Variants in SLC25A12 observed in about 807,000 individuals in gnomAD.
SLC25A12 encodes electrogenic aspartate/glutamate antiporter SLC25A12, mitochondrial.
Under a neutral mutation model 83.3 loss-of-function variants are expected in SLC25A12, and 32 were observed. That is an observed-to-expected ratio of 0.38 (90% CI 0.29 to 0.52). SLC25A12 has a LOEUF of 0.52. Ranked by LOEUF, SLC25A12 falls within the 20% of genes least tolerant of loss-of-function variation. The pLI is 0.84. For synonymous variants in SLC25A12, 267 were observed against 291.1 expected (o/e 0.92, Z 0.84); for missense variants, 611 against 835.6 (o/e 0.73, Z 3.31).
At chr2:171,851,130 A>T (rs1469327329) in intron 4 of SLC25A12, among the ~76,000 whole-genome samples, 1 of 152,152 alleles carries the variant, frequency 6.6e-6, no homozygotes, top group African/African-American at 2.4e-5. Context: ...AGAACTCAGA[A>T]CATATAACAT....
At position 171,834,852 on chromosome 2, in the gene SLC25A12, C is replaced by G. The variant is rs770751330; in HGVS notation, c.626G>C (p.Ser209Thr). The G allele has an allele frequency of 6.2e-7, 1 of 1,613,816 alleles. No individual in the cohort carries two copies. Residue 209 changes from serine (S) to threonine (T), a missense_variant, in exon 7 of 18, where the codon AGT becomes ACT. This residue lies in a region of SLC25A12 where 540 missense variants were observed against 777.5 expected (regional missense o/e 0.69). Coordinates refer to ENST00000422440, the MANE Select transcript of SLC25A12 (RefSeq NM_003705.5). ...GGAGAAGCTAACCTGGTGTGAGATA[C>G]TTCCTCCAGCTGCCTAGAAAATGAC... ...EENLVSAAGG[S>T]ISHQVSFSYF...
At chr2:171,815,080 ATT>A in intron 10 of SLC25A12, 39 bp downstream of exon 10, 1 of 1,514,062 alleles carries the variant, frequency 6.6e-7, no homozygotes, top group Non-Finnish European at 9.2e-7. Flanking sequence ...ATAATATTAC[ATT>A]AACACAAGCC....
chr2:171,809,466 C>T, intron 13 of SLC25A12, 140 bp downstream of exon 13: 2 of 760,484 alleles, frequency 2.6e-6, no homozygotes, highest in Non-Finnish European at 2.3e-6. Flanking sequence ...AAATTTAAAA[C>T]TTATTCCATA....
Position 171,851,717 on chromosome 2 carries a change from T to C in SLC25A12, c.325+4117A>G, listed in dbSNP as rs1390608833. ...ACCCGGCTAATTTTTGTGTTTTTAGTAGAGATGGGGTTTCACCATGTCACC... is the reference window on the plus strand; with the variant it reads ...ACCCGGCTAATTTTTGTGTTTTTAGCAGAGATGGGGTTTCACCATGTCACC... On this transcript the variant is annotated intron_variant, in intron 4 of 17. Transcript: ENST00000422440. Among the ~76,000 whole-genome samples the C allele has an allele frequency of 2.6e-5, 4 of 152,168 alleles. No homozygotes were observed. In the East Asian group the frequency reaches 7.7e-4, roughly 29 times the overall value.
At chr2:171,880,537 G>A (rs905469525) in intron 2 of SLC25A12, among the ~76,000 whole-genome samples, 2 of 152,032 alleles carry the variant, frequency 1.3e-5, no homozygotes, top group African/African-American at 2.4e-5. Flanking sequence ...CTCAGCCTTC[G>A]AAAGTGCTGG....
chr2:171,816,261 T>G (rs1012475915), intron 9 of SLC25A12, among the ~76,000 whole-genome samples: 2 of 152,060 alleles, frequency 1.3e-5, no homozygotes, highest in African/African-American at 4.8e-5. Context: ...AGATGGGGTC[T>G]GTTTATGTTG....
rs1684025113 is a variant in SLC25A12, at chr2:171,815,143, G to A, written c.990C>T (p.Phe330=). The change falls in exon 10 of 18, where the codon TTC becomes TTT. Residue 330 remains phenylalanine, a synonymous_variant. Transcript: ENST00000422440. The part of the protein sequence containing the change: ...WLQIAESAYR[F]TLGSVAGAVG... ...CACCTCCAGCAACTGAGCCCAGAGTGAATCTGTAAGCAGACTCGGCAATCT... is the reference window on the plus strand; with the variant it reads ...CACCTCCAGCAACTGAGCCCAGAGTAAATCTGTAAGCAGACTCGGCAATCT... 3 of 1,613,658 alleles carry A rather than the reference G, an allele frequency of 1.9e-6. No homozygotes were observed. Among genetic ancestry groups the A allele is most frequent in the African/African-American group, 2.7e-5 (2 of 74,910 alleles).
rs1024085092 is a variant in SLC25A12 at position 171,815,346 on chromosome 2, A to G, written c.931-144T>C. On this transcript the variant is annotated intron_variant, in intron 9 of 17. Transcript: ENST00000422440. ...CAGTAATATCTTTTCTAAAAGAAGA[A>G]AATAGGATATTCATGCAGCCAAAAA... 4.5e-6 allele frequency: 3 copies of G among 661,422 alleles called. No individual in the cohort carries two copies. The African/African-American group carries it at 5.5e-5, about 12-fold the overall frequency. The allele number at this position is 661,422 out of a possible 1,614,324, so 41.0% of individuals were successfully genotyped here.
chr2:171,814,350 T>A lies in SLC25A12; in HGVS notation c.1012+771A>T, dbSNP rs113906557. On this transcript the variant is annotated intron_variant, in intron 10 of 17. Transcript: ENST00000422440. Reference sequence around the variant, plus strand: ...GGGAAGGGAGGTTCATTTTTGCAAATAAACATCAAGTCCAGATATTGTTAA... The same window carrying A: ...GGGAAGGGAGGTTCATTTTTGCAAAAAAACATCAAGTCCAGATATTGTTAA... Among the ~76,000 whole-genome samples the A allele has an allele frequency of 2.9e-3, 442 of 152,046 alleles. 5 individuals are homozygous for A. Among genetic ancestry groups the A allele is most frequent in the African/African-American group, 0.01 (426 of 41,486 alleles).
intron 3 of SLC25A12, among the ~76,000 whole-genome samples, chr2:171,865,026 CT>C (rs1427838691): frequency 1.3e-5 from 2 of 152,140 alleles, no homozygotes; most frequent in African/African-American, 2.4e-5. Context: ...AAACTCTCCC[CT>C]AATTTATTTT....
chr2:171,809,566 A>G (rs1331834645), intron 13 of SLC25A12, 40 bp downstream of exon 13: 1 of 1,454,504 alleles, frequency 6.9e-7, no homozygotes, highest in South Asian at 1.1e-5. Flanking sequence ...AGGTCAACGG[A>G]ATGTATTTGT....
intron 13 of SLC25A12, among the ~76,000 whole-genome samples, chr2:171,794,329 A>G (rs1185818931): frequency 6.6e-6 from 1 of 152,204 alleles, no homozygotes; most frequent in Non-Finnish European, 1.5e-5. Flanking sequence ...TCTAAAATGT[A>G]TTATCCTAAG....
intron 3 of SLC25A12, among the ~76,000 whole-genome samples, chr2:171,861,001 A>G (rs1368796391): frequency 6.6e-6 from 1 of 152,110 alleles, no homozygotes; most frequent in Non-Finnish European, 1.5e-5. Flanking sequence ...TGACGTAGGG[A>G]GGATCATTTG....
Position 171,837,227 on chromosome 2 carries a change from T to C in SLC25A12, c.506A>G (p.Lys169Arg), listed in dbSNP as rs771752502. The change falls in exon 6 of 18, where the codon AAA (lysine) becomes AGA (arginine). Residue 169 changes from lysine (K) to arginine (R), a missense_variant. Lys to Arg is a conservative substitution (Grantham distance 26). Around this residue, in one of 3 missense-constraint regions of SLC25A12, gnomAD observed 540 missense variants for 777.5 expected, o/e 0.69. Coordinates refer to ENST00000422440, the MANE Select transcript of SLC25A12 (RefSeq NM_003705.5). Reference sequence around the variant, plus strand: ...AATCATGCCACTTTTGCTTTTGTCTTTGAGTGCAAAGGCTTGTCTTGCATG... The same window carrying C: ...AATCATGCCACTTTTGCTTTTGTCTCTGAGTGCAAAGGCTTGTCTTGCATG... ...LEHARQAFAL[K>R]DKSKSGMISG... The C allele has an allele frequency of 1.2e-6, 2 of 1,614,146 alleles. No homozygotes were observed. The highest frequency in any genetic ancestry group is 1.1e-5 in the South Asian group (1 of 91,080).
intron 3 of SLC25A12, 150 bp from the exon 4 acceptor site, chr2:171,856,099 G>A: frequency 1.6e-6 from 1 of 641,210 alleles, no homozygotes; most frequent in Non-Finnish European, 2.8e-6. Context: ...AGATAAGGAA[G>A]GAAAGGAGAA....
intron 13 of SLC25A12, among the ~76,000 whole-genome samples, chr2:171,794,602 A>AT (rs1558908361): frequency 6.6e-6 from 1 of 151,646 alleles, no homozygotes; most frequent in Non-Finnish European, 1.5e-5. Context: ...AAAAAAAAAA[A>AT]CGTTTAACAA....
intron 4 of SLC25A12, among the ~76,000 whole-genome samples, chr2:171,853,413 CGCCTGTAATCTCA>C (rs375023008): frequency 2.6e-5 from 1 of 38,376 alleles, no homozygotes; most frequent in South Asian, 1.2e-3. Context: ...CAGTGGCTCA[CGCCTGTAATCTCA>C]GCACTTTGGG....
chr2:171,813,555 A>C lies in SLC25A12; in HGVS notation c.1013-58T>G, dbSNP rs1042268997. 66 of 1,523,706 alleles carry C rather than the reference A, an allele frequency of 4.3e-5. No homozygotes were observed. The African/African-American group carries it at 7.8e-4, about 18-fold the overall frequency. The allele number at this position is 1,523,706 out of a possible 1,614,324, so 94.4% of individuals were successfully genotyped here. On this transcript the variant is annotated intron_variant, in intron 10 of 17. Transcript: ENST00000422440. ...GAACACAATTAAATGGAGAGTCCAT[A>C]AGGATGACAAATCTTATCTTAAAGG...
chr2:171,868,934 A>G, intron 2 of SLC25A12, 111 bp from the exon 3 acceptor site: 1 of 975,248 alleles, frequency 1.0e-6, no homozygotes, highest in Non-Finnish European at 1.5e-6. Flanking sequence ...ATCAAAATAA[A>G]GATAATAAAT....
Sources: gnomAD v4.1 joint callset for allele counts (sites outside exome capture counted in the v4.1 genomes callset) on GRCh38, gnomAD v4.1.1 for gene constraint, gnomAD v4.1.1 regional missense constraint, MANE v1.5 for transcripts, NCBI Gene and HGNC (gene_info 2026-07-23, HGNC 2026-07-21) for gene names.